Variants in CBX1 observed in about 807,000 individuals in gnomAD.
CBX1 encodes the protein chromobox 1.
A neutral mutation model predicts 25.1 loss-of-function variants in CBX1; 10 were observed. The observed-to-expected ratio is 0.40, with a 90% confidence interval of 0.25 to 0.68. The LOEUF (loss-of-function observed/expected upper bound fraction) is 0.68. Among genes scored for constraint, CBX1 ranks in the 30% least tolerant of loss-of-function variants. The pLI, the probability that CBX1 is intolerant of heterozygous loss-of-function variation, is 0.40. For missense variants in CBX1, 106 were observed against 218.5 expected (o/e 0.49, Z 3.25); for synonymous variants, 63 against 79.4 (o/e 0.79, Z 1.10).
chr17:48,071,583 C>A lies in CBX1; in HGVS notation c.414-4G>T. On this transcript the variant is annotated splice_polypyrimidine_tract_variant and splice_region_variant and intron_variant, in intron 4 of 4. Coordinates refer to ENST00000225603, the MANE Select transcript of CBX1 (RefSeq NM_001127228.2). ...GTCAGCCTCATCAGAGTTTTTCCTGCAGAATAAAGCAAAGAGAGACTTTGA... is the reference window on the plus strand; with the variant it reads ...GTCAGCCTCATCAGAGTTTTTCCTGAAGAATAAAGCAAAGAGAGACTTTGA... 2 of 1,595,616 alleles carry A rather than the reference C, an allele frequency of 1.3e-6. No homozygotes were observed. The highest frequency in any genetic ancestry group is 1.7e-6 in the Non-Finnish European group (2 of 1,171,630).
intron 1 of CBX1, among the ~76,000 whole-genome samples, chr17:48,081,469 G>A (rs931357960): frequency 2.1e-4 from 32 of 152,062 alleles, no homozygotes; most frequent in African/African-American, 6.5e-4. Flanking sequence ...ACAGAGTTTC[G>A]CTCTTGTCGC....
chr17:48,101,454 G>C lies in CBX1; in HGVS notation c.-224C>G. On this transcript the variant is annotated 5_prime_UTR_variant, in exon 1 of 5. Coordinates refer to ENST00000225603, the MANE Select transcript of CBX1 (RefSeq NM_001127228.2). ...CCCCTCAGCCGAACAAAAGAGCCTC[G>C]CAGTCTGCGCTGCCCGCCGCTCGCA... 2 of 985,614 alleles carry C rather than the reference G, an allele frequency of 2.0e-6. No individual in the cohort carries two copies. Among genetic ancestry groups the C allele is most frequent in the Non-Finnish European group, 2.4e-6 (2 of 830,120 alleles). 61.1% of individuals were successfully genotyped at this position (985,614 alleles called of 1,614,324 possible).
chr17:48,098,746 G>A (rs1162185837), intron 1 of CBX1, among the ~76,000 whole-genome samples: 2 of 152,140 alleles, frequency 1.3e-5, no homozygotes, highest in East Asian at 3.9e-4. Context: ...TTCTACACCA[G>A]AAACTCTTCG....
Position 48,075,067 on chromosome 17 carries a change from C to T in CBX1, c.352G>A (p.Glu118Lys). Residue 118 changes from glutamate to lysine, a missense_variant, in exon 4 of 5, where the codon GAG (glutamate) becomes AAG (lysine). Coordinates refer to ENST00000225603, the MANE Select transcript of CBX1 (RefSeq NM_001127228.2). ...EKPRGFARGL[E>K]PERIIGATDS... ...GTAGCTCCAATAATCCGCTCCGGCTCCAAACCTCGAGCAAAGCCTCGTGGC... is the reference window on the plus strand; with the variant it reads ...GTAGCTCCAATAATCCGCTCCGGCTTCAAACCTCGAGCAAAGCCTCGTGGC... The T allele has an allele frequency of 6.2e-7, 1 of 1,614,114 alleles. No individual in the cohort carries two copies. Among genetic ancestry groups the T allele is most frequent in the Non-Finnish European group, 8.5e-7 (1 of 1,179,968 alleles).
At chr17:48,099,982 T>C (rs571459378) in intron 1 of CBX1, among the ~76,000 whole-genome samples, 55 of 151,530 alleles carry the variant, frequency 3.6e-4, no homozygotes, top group African/African-American at 1.3e-3. Context: ...CTACTAAAAA[T>C]ACAAAAATTA....
intron 2 of CBX1, 120 bp from the exon 3 acceptor site, chr17:48,076,298 G>T: frequency 1.4e-6 from 1 of 726,096 alleles, no homozygotes; most frequent in Non-Finnish European, 2.1e-6. Context: ...CTTGGGGAAT[G>T]GGGAAGCTTT....
chr17:48,090,587 C>T (rs1181775386), intron 1 of CBX1, among the ~76,000 whole-genome samples: 2 of 152,198 alleles, frequency 1.3e-5, no homozygotes, highest in Admixed American at 6.6e-5. Flanking sequence ...AATTCATTTT[C>T]AACACTAGCC....
intron 1 of CBX1, among the ~76,000 whole-genome samples, chr17:48,087,795 C>T (rs982293714): frequency 1.4e-5 from 2 of 144,702 alleles, no homozygotes; most frequent in Non-Finnish European, 3.0e-5. Context: ...TCACTTGAAC[C>T]GGGGAATCAG....
chr17:48,101,326 T>G lies in CBX1; in HGVS notation c.-96A>C. 4.1e-6 allele frequency: 4 copies of G among 986,158 alleles called. No individual in the cohort carries two copies. Among genetic ancestry groups the G allele is most frequent in the Non-Finnish European group, 4.8e-6 (4 of 829,998 alleles). 61.1% of individuals were successfully genotyped at this position (986,158 alleles called of 1,614,324 possible). A position where few individuals can be genotyped will look rare whatever the true frequency, so the allele number is the denominator to read the frequency against. Reference sequence around the variant, plus strand: ...GGTGCTGCGCTGCTGGCGCGTCGCGTCGGGTCGCCTGGGGGAGTGGCGCCC... The same window carrying G: ...GGTGCTGCGCTGCTGGCGCGTCGCGGCGGGTCGCCTGGGGGAGTGGCGCCC... On this transcript the variant is annotated 5_prime_UTR_variant, in exon 1 of 5. Coordinates refer to ENST00000225603, the MANE Select transcript of CBX1 (RefSeq NM_001127228.2).
intron 1 of CBX1, among the ~76,000 whole-genome samples, chr17:48,093,286 TAAAAA>T (rs777087501): frequency 1.3e-5 from 1 of 76,254 alleles, no homozygotes; most frequent in African/African-American, 4.9e-5. Context: ...AAAATAAAAT[TAAAAA>T]AAAAAAAAAA....
chr17:48,072,375 T>C (rs80076843), intron 4 of CBX1, among the ~76,000 whole-genome samples: 2,276 of 152,342 alleles, frequency 0.015, 34 homozygotes, highest in Non-Finnish European at 0.025. Flanking sequence ...ACTTTTTGCA[T>C]AATCGTAATT....
chr17:48,091,983 C>CTTTTTTTTTTTTTT (rs56277117), intron 1 of CBX1, among the ~76,000 whole-genome samples: 1 of 62,916 alleles, frequency 1.6e-5, no homozygotes, highest in Non-Finnish European at 2.7e-5. Flanking sequence ...CCAGCCAGAT[C>CTTTTTTTTTTTTTT]TTTTTTTTTT....
chr17:48,071,690 AGG>A, intron 4 of CBX1, 111 bp from the exon 5 acceptor site: 1 of 895,092 alleles, frequency 1.1e-6, no homozygotes, highest in East Asian at 2.8e-5. Context: ...AAAATAGGCT[AGG>A]GAACAATGAA....
chr17:48,084,480 A>G (rs112225785), intron 1 of CBX1, among the ~76,000 whole-genome samples: 2 of 148,498 alleles, frequency 1.3e-5, no homozygotes, highest in African/African-American at 5.1e-5. Context: ...AAGTGCTGGG[A>G]TAACAGGCGT....
intron 1 of CBX1, among the ~76,000 whole-genome samples, chr17:48,087,723 T>C (rs1007418378): frequency 5.3e-5 from 8 of 151,098 alleles, no homozygotes; most frequent in African/African-American, 1.9e-4. Context: ...AACACAAAAA[T>C]TGGCCGGGCA....
At chr17:48,097,119 G>A (rs146004463) in intron 1 of CBX1, among the ~76,000 whole-genome samples, 1 of 151,822 alleles carries the variant, frequency 6.6e-6, no homozygotes, top group East Asian at 2.0e-4. Context: ...CAGGCGTGGT[G>A]GCAGGCGCCT....
intron 4 of CBX1, 41 bp downstream of exon 4, chr17:48,074,965 G>T: frequency 7.3e-7 from 1 of 1,374,152 alleles, no homozygotes; most frequent in Non-Finnish European, 1.0e-6. Flanking sequence ...ACCAATGGGA[G>T]AAGAAAAAAA....
chr17:48,092,461 T>G (rs2063349466), intron 1 of CBX1, among the ~76,000 whole-genome samples: 2 of 149,174 alleles, frequency 1.3e-5, no homozygotes, highest in Admixed American at 6.7e-5. Flanking sequence ...CATCTCTCTC[T>G]CTCTCTCTTT....
intron 1 of CBX1, among the ~76,000 whole-genome samples, chr17:48,089,438 G>A (rs1479289604): frequency 2.7e-5 from 3 of 111,046 alleles, no homozygotes; most frequent in Non-Finnish European, 5.7e-5. Flanking sequence ...AGGTGATTTT[G>A]ATGAACATTC....
Sources: allele counts gnomAD v4.1 joint callset (sites outside exome capture counted in the v4.1 genomes callset), GRCh38; gene constraint gnomAD v4.1.1; transcripts MANE v1.5; gene names NCBI Gene and HGNC (gene_info 2026-07-23, HGNC 2026-07-21).